ABI3: variants seen among roughly 807,000 people sequenced by gnomAD.
The protein encoded by ABI3 is ABI family member 3, also known as ABI gene family member 3.
In ABI3, 24 loss-of-function variants were observed where a neutral mutation model predicts 37.0. That is an observed-to-expected ratio of 0.65 (90% CI 0.47 to 0.91). ABI3 has a LOEUF of 0.91. Among genes scored for constraint, ABI3 ranks in the 40% least tolerant of loss-of-function variants. The probability of loss-of-function intolerance (pLI) is 0.00; values close to 1 mark genes in which losing one functional copy is unlikely to be tolerated. For synonymous variants in ABI3, 220 were observed against 211.8 expected, an observed-to-expected ratio of 1.04 and a Z score of -0.34; for missense variants, 481 against 485.1, an observed-to-expected ratio of 0.99 and a Z score of 0.08.
chr17:49,220,202 C>A lies in ABI3; in HGVS notation c.678C>A (p.Pro226=). ...SAEGVGGAPT[P]KGQAAPPAPP... is the part of the protein sequence containing the mutation. ...AAGGTGTCGGTGGGGCCCCCACGCCCAAGGGGCAGGCAGCACCTCCAGCCC... is the reference window on the plus strand; with the variant it reads ...AAGGTGTCGGTGGGGCCCCCACGCCAAAGGGGCAGGCAGCACCTCCAGCCC... The change falls in exon 6 of 8, where the codon CCC becomes CCA. Residue 226 remains proline (P), a synonymous_variant. Coordinates refer to ENST00000225941, the MANE Select transcript of ABI3 (RefSeq NM_016428.3). 6.2e-7 allele frequency: 1 copy of A among 1,612,338 alleles called. No individual in the cohort carries two copies. Among genetic ancestry groups the A allele is most frequent in the Non-Finnish European group, 8.5e-7 (1 of 1,179,898 alleles).
Position 49,220,278 on chromosome 17 carries a change from G to A in ABI3, c.754G>A (p.Val252Met). 1 of 1,604,326 alleles carries A rather than the reference G, an allele frequency of 6.2e-7. No homozygotes were observed. Among genetic ancestry groups the A allele is most frequent in the Non-Finnish European group, 8.5e-7 (1 of 1,175,982 alleles). Residue 252 changes from valine (V) to methionine (M), a missense_variant, in exon 6 of 8, where the codon GTG becomes ATG. Physicochemically the swap from Val to Met is conservative, Grantham distance 21. Coordinates refer to ENST00000225941, the MANE Select transcript of ABI3 (RefSeq NM_016428.3). ...DPPPPPAAVEVFQRPPTLEEL... is the reference protein window; with the variant it reads ...DPPPPPAAVEMFQRPPTLEEL... Reference sequence around the variant, plus strand: ...ACCTCCTCCACCAGCAGCCGTCGAGGTGTTCCAGCGGCCTCCCACGCTGGA... The same window carrying A: ...ACCTCCTCCACCAGCAGCCGTCGAGATGTTCCAGCGGCCTCCCACGCTGGA...
chr17:49,216,586 T>C lies in ABI3; in HGVS notation c.173T>C (p.Leu58Pro). Residue 58 changes from leucine to proline, a missense_variant, in exon 2 of 8, where the codon CTG becomes CCG. Transcript: ENST00000225941. ...ACCATGGCCTTCACTACCCAGGCACTGGCCAGCGTGGCCTACCAGGTGGGC... is the reference window on the plus strand; with the variant it reads ...ACCATGGCCTTCACTACCCAGGCACCGGCCAGCGTGGCCTACCAGGTGGGC... ...EETMAFTTQA[L>P]ASVAYQVGNL... 12 of 1,610,526 alleles carry C rather than the reference T, an allele frequency of 7.5e-6. No individual in the cohort carries two copies. The highest frequency in any genetic ancestry group is 1.0e-5 in the Non-Finnish European group (12 of 1,178,674).
At chr17:49,212,579 G>T (rs1024956191) in intron 1 of ABI3, among the ~76,000 whole-genome samples, 1 of 152,162 alleles carries the variant, frequency 6.6e-6, no homozygotes, top group Non-Finnish European at 1.5e-5. Context: ...CTTCTTTTGG[G>T]CCAGGCATGT....
intron 1 of ABI3, among the ~76,000 whole-genome samples, chr17:49,213,010 GC>G (rs2043184124): frequency 2.0e-5 from 3 of 152,186 alleles, no homozygotes; most frequent in Non-Finnish European, 4.4e-5. Flanking sequence ...ATTTGGGGTC[GC>G]AAAGACCTAA....
At position 49,210,967 on chromosome 17, in the gene ABI3, C is replaced by G. The variant is rs561394639; in HGVS notation, c.117+126C>G. ...CCTGGGCCTTGGCTGAGAAATCCTC[C>G]CATTCCAGGCTTCGGCTTCATCCCA... On this transcript the variant is annotated intron_variant, in intron 1 of 7. Transcript: ENST00000225941. The surrounding 1 kb of genome is among the most constrained non-coding windows in gnomAD (Gnocchi z 4.2). 10 of 749,598 alleles carry G rather than the reference C, an allele frequency of 1.3e-5. No individual in the cohort carries two copies. The highest frequency in any genetic ancestry group is 5.8e-5 in the Admixed American group (2 of 34,500). 46.4% of individuals were successfully genotyped at this position (749,598 alleles called of 1,614,324 possible).
chr17:49,220,291 C>A lies in ABI3; in HGVS notation c.767C>A (p.Pro256His). 6.2e-7 allele frequency: 1 copy of A among 1,600,676 alleles called. No individual in the cohort carries two copies. Among genetic ancestry groups the A allele is most frequent in the African/African-American group, 1.3e-5 (1 of 74,848 alleles). The change falls in exon 6 of 8, where the codon CCT becomes CAT. Residue 256 changes from proline (P) to histidine (H), a missense_variant. Physicochemically the swap from Pro to His is moderately conservative, Grantham distance 77. Coordinates refer to ENST00000225941, the MANE Select transcript of ABI3 (RefSeq NM_016428.3). ...PPAAVEVFQR[P>H]PTLEELSPPP... ...GCAGCCGTCGAGGTGTTCCAGCGGC[C>A]TCCCACGCTGGAGGAGTTGTCCCCA...
Position 49,220,198 on chromosome 17 carries a change from C to A in ABI3, c.674C>A (p.Thr225Lys). The change falls in exon 6 of 8, where the codon ACG becomes AAG. Residue 225 changes from threonine (T) to lysine (K), a missense_variant. Physicochemically the swap from Thr to Lys is moderately conservative, Grantham distance 78. Transcript: ENST00000225941. ...GSAEGVGGAP[T>K]PKGQAAPPAP... is the part of the protein sequence containing the mutation. ...GCCGAAGGTGTCGGTGGGGCCCCCA[C>A]GCCCAAGGGGCAGGCAGCACCTCCA... The A allele has an allele frequency of 3.1e-6, 5 of 1,612,292 alleles. No individual in the cohort carries two copies. Among genetic ancestry groups the A allele is most frequent in the East Asian group, 2.2e-5 (1 of 44,876 alleles).
Position 49,219,990 on chromosome 17 carries a change from G to A in ABI3, c.644+37G>A, listed in dbSNP as rs1190146214. 2.0e-5 allele frequency: 20 copies of A among 993,374 alleles called. No individual in the cohort carries two copies. The East Asian group carries it at 5.2e-4, about 26-fold the overall frequency. The allele number at this position is 993,374 out of a possible 1,614,324, so 61.5% of individuals were successfully genotyped here. On this transcript the variant is annotated intron_variant, in intron 5 of 7. Coordinates refer to ENST00000225941, the MANE Select transcript of ABI3 (RefSeq NM_016428.3). The surrounding 1 kb of genome is among the most constrained non-coding windows in gnomAD (Gnocchi z 4.3). ...AAGCCCACGTGGGTGGGTGGGGGGT[G>A]GGAAGTGGCTTTTGAGAGGGGCCAC...
Position 49,210,745 on chromosome 17 carries a change from G to C in ABI3, c.21G>C (p.Leu7=). The change falls in exon 1 of 8, where the codon CTG becomes CTC. Residue 7 remains leucine (L), a synonymous_variant. Coordinates refer to ENST00000225941, the MANE Select transcript of ABI3 (RefSeq NM_016428.3). This position sits in a 1 kb window ranked among gnomAD's most constrained non-coding sequence, Gnocchi z 4.2. MAELQQ[L]QEFEIPTGRE... ...GGGTGATGGCGGAGCTACAGCAGCT[G>C]CAGGAGTTTGAGATCCCCACTGGCC... 3 of 1,556,390 alleles carry C rather than the reference G, an allele frequency of 1.9e-6. No individual in the cohort carries two copies. Among genetic ancestry groups the C allele is most frequent in the Non-Finnish European group, 2.6e-6 (3 of 1,150,004 alleles).
chr17:49,213,843 G>T (rs938859410), intron 1 of ABI3, among the ~76,000 whole-genome samples: 2 of 152,186 alleles, frequency 1.3e-5, no homozygotes, highest in African/African-American at 4.8e-5. Context: ...AGCAGTCACT[G>T]CTCAGTTCTG....
intron 1 of ABI3, among the ~76,000 whole-genome samples, chr17:49,214,104 G>C (rs1465856592): frequency 6.6e-6 from 1 of 152,224 alleles, no homozygotes; most frequent in Non-Finnish European, 1.5e-5. Flanking sequence ...GAAGGTTCTG[G>C]CTCAGGCTCC....
Position 49,217,850 on chromosome 17 carries a change from C to T in ABI3, c.397C>T (p.Leu133Phe), listed in dbSNP as rs904475202. The change falls in exon 3 of 8, where the codon CTC becomes TTC. Residue 133 changes from leucine (L) to phenylalanine (F), a missense_variant. Leu to Phe is a conservative substitution (Grantham distance 22). Transcript: ENST00000225941. ...KVIAPENLPP[L>F]TPYCRRPLNF... ...CATCGCCCCAGAGAACCTACCCCCT[C>T]TCACGCCCTACTGCAGGAGACCCCT... The T allele has an allele frequency of 1.9e-6, 3 of 1,605,966 alleles. No individual in the cohort carries two copies. Among genetic ancestry groups the T allele is most frequent in the Non-Finnish European group, 2.5e-6 (3 of 1,176,568 alleles).
intron 6 of ABI3, among the ~76,000 whole-genome samples, chr17:49,221,149 G>T (rs2043282417): frequency 6.6e-6 from 1 of 151,336 alleles, no homozygotes; most frequent in Non-Finnish European, 1.5e-5. Context: ...CTCCAGCCTG[G>T]GTGACAGAGG....
chr17:49,210,943 C>T lies in ABI3; in HGVS notation c.117+102C>T. 2 of 949,812 alleles carry T rather than the reference C, an allele frequency of 2.1e-6. No homozygotes were observed. Among genetic ancestry groups the T allele is most frequent in the Non-Finnish European group, 3.1e-6 (2 of 639,280 alleles). 58.8% of individuals were successfully genotyped at this position (949,812 alleles called of 1,614,324 possible). Reference sequence around the variant, plus strand: ...GGGACCCATCCTGACAGTGCTTGTCCTGGGCCTTGGCTGAGAAATCCTCCC... The same window carrying T: ...GGGACCCATCCTGACAGTGCTTGTCTTGGGCCTTGGCTGAGAAATCCTCCC... On this transcript the variant is annotated intron_variant, in intron 1 of 7. Coordinates refer to ENST00000225941, the MANE Select transcript of ABI3 (RefSeq NM_016428.3). This position sits in a 1 kb window ranked among gnomAD's most constrained non-coding sequence, Gnocchi z 4.2.
rs768409072 is a variant in ABI3 at position 49,219,931 on chromosome 17, G to T, written c.622G>T (p.Ala208Ser). 2.6e-6 allele frequency: 4 copies of T among 1,555,018 alleles called. No individual in the cohort carries two copies. The highest frequency in any genetic ancestry group is 3.5e-6 in the Non-Finnish European group (4 of 1,155,766). The change falls in exon 5 of 8, where the codon GCG (alanine) becomes TCG (serine). Residue 208 changes from alanine (A) to serine (S), a missense_variant. Ala to Ser is a moderately conservative substitution (Grantham distance 99, BLOSUM62 1). Transcript: ENST00000225941. This position sits in a 1 kb window ranked among gnomAD's most constrained non-coding sequence, Gnocchi z 4.3. ...CGGCAGACTCTCCGCCGCCTCCTCTGCGTTTTCCCTGGCCTCGGCCGGGTG... is the reference window on the plus strand; with the variant it reads ...CGGCAGACTCTCCGCCGCCTCCTCTTCGTTTTCCCTGGCCTCGGCCGGGTG... Reference protein sequence around the residue: ...PDGRLSAASSAFSLASAGSAE... With the variant: ...PDGRLSAASSSFSLASAGSAE...
chr17:49,217,650 C>A (rs899621873), intron 2 of ABI3, 89 bp from the exon 3 acceptor site: 45 of 1,295,220 alleles, frequency 3.5e-5, no homozygotes, highest in South Asian at 2.7e-4. Flanking sequence ...CCTCCCCCCC[C>A]CAGCCCAGTC....
At position 49,210,870 on chromosome 17, in the gene ABI3, C is replaced by G. The variant is rs1026938590; in HGVS notation, c.117+29C>G. 8.4e-5 allele frequency: 129 copies of G among 1,526,630 alleles called. No individual in the cohort carries two copies. The highest frequency in any genetic ancestry group is 1.1e-4 in the Non-Finnish European group (124 of 1,126,236). 94.6% of individuals were successfully genotyped at this position (1,526,630 alleles called of 1,614,324 possible). ...GGTAGAGCGGGCGGAAGCCTGACAC[C>G]CCAGCCCCCGGAGGGGGGACCCTGA... On this transcript the variant is annotated intron_variant, in intron 1 of 7. Coordinates refer to ENST00000225941, the MANE Select transcript of ABI3 (RefSeq NM_016428.3). This position sits in a 1 kb window ranked among gnomAD's most constrained non-coding sequence, Gnocchi z 4.2.
chr17:49,217,650 C>T (rs899621873), intron 2 of ABI3, 89 bp from the exon 3 acceptor site: 6 of 1,295,220 alleles, frequency 4.6e-6, no homozygotes, highest in Non-Finnish European at 4.2e-6. Flanking sequence ...CCTCCCCCCC[C>T]CAGCCCAGTC....
chr17:49,217,615 G>T (rs2043233574), intron 2 of ABI3, 124 bp from the exon 3 acceptor site: 2 of 812,622 alleles, frequency 2.5e-6, no homozygotes, highest in African/African-American at 1.9e-5. Flanking sequence ...CGGGGGGCAG[G>T]GCCCTCTTTT....
Sources: allele counts gnomAD v4.1 joint callset (sites outside exome capture counted in the v4.1 genomes callset), GRCh38; gene constraint gnomAD v4.1.1; non-coding constraint Gnocchi (gnomAD v3.1); transcripts MANE v1.5; gene names NCBI Gene and HGNC (gene_info 2026-07-23, HGNC 2026-07-21).